Variants in MARCHF3 observed in about 807,000 individuals in gnomAD.
MARCHF3 encodes the protein membrane associated ring-CH-type finger 3.
Under a neutral mutation model 24.2 loss-of-function variants are expected in MARCHF3, and 13 were observed. The ratio of observed to expected loss-of-function variants is 0.54; its 90% CI spans 0.35 to 0.85. The LOEUF is 0.85. Ranked by LOEUF, MARCHF3 falls within the 40% of genes least tolerant of loss-of-function variation. The pLI, the probability that MARCHF3 is intolerant of heterozygous loss-of-function variation, is 0.01. For missense variants in MARCHF3, 276 were observed against 325.0 expected (o/e 0.85, Z 1.16); for synonymous variants, 144 against 137.3 (o/e 1.05, Z -0.34).
chr5:126,879,866 C>T (rs1299986182), intron 3 of MARCHF3, among the ~76,000 whole-genome samples: 1 of 152,130 alleles, frequency 6.6e-6, no homozygotes, highest in Non-Finnish European at 1.5e-5. Flanking sequence ...CCATCTTGTT[C>T]CTACCAACAA....
At chr5:126,995,045 A>G (rs1751904206) in intron 1 of MARCHF3, among the ~76,000 whole-genome samples, 1 of 152,324 alleles carries the variant, frequency 6.6e-6, no homozygotes, top group South Asian at 2.1e-4. Flanking sequence ...AGCTGATTAG[A>G]TGGTGCCCAC....
chr5:127,022,803 C>T (rs1752851020), intron 1 of MARCHF3, among the ~76,000 whole-genome samples: 1 of 152,062 alleles, frequency 6.6e-6, no homozygotes, highest in Admixed American at 6.5e-5. Flanking sequence ...TAAGTACCTC[C>T]TAGGCTTAAC....
At chr5:127,012,026 G>A (rs772653495) in intron 1 of MARCHF3, among the ~76,000 whole-genome samples, 4 of 152,156 alleles carry the variant, frequency 2.6e-5, no homozygotes, top group Non-Finnish European at 5.9e-5. Flanking sequence ...TTCTTTGGAC[G>A]ACCAATGCAG....
intron 2 of MARCHF3, among the ~76,000 whole-genome samples, chr5:126,917,558 C>T (rs1005466770): frequency 1.3e-5 from 2 of 152,296 alleles, no homozygotes; most frequent in South Asian, 4.2e-4. Flanking sequence ...TGCCAGTCCA[C>T]ATGCACACCA....
At chr5:126,917,933 AAG>A (rs1263209432) in intron 2 of MARCHF3, 49 bp downstream of exon 2, 1 of 1,570,506 alleles carries the variant, frequency 6.4e-7, no homozygotes, top group South Asian at 1.2e-5. Flanking sequence ...CCATCTGACA[AAG>A]AGTTCTCTGG....
At chr5:126,876,218 A>G (rs1261158330) in intron 4 of MARCHF3, among the ~76,000 whole-genome samples, 2 of 152,094 alleles carry the variant, frequency 1.3e-5, no homozygotes, top group Admixed American at 6.5e-5. Flanking sequence ...TTGTTAGATA[A>G]GTGTATGCTT....
chr5:126,933,003 G>A (rs1039171159), intron 1 of MARCHF3, among the ~76,000 whole-genome samples: 2 of 151,996 alleles, frequency 1.3e-5, no homozygotes, highest in African/African-American at 4.8e-5. Context: ...TAGAAACCAG[G>A]GACTCTCTTC....
chr5:126,907,100 T>G (rs902973440), intron 3 of MARCHF3, among the ~76,000 whole-genome samples: 3 of 151,844 alleles, frequency 2.0e-5, no homozygotes, highest in African/African-American at 4.9e-5. Context: ...AGGAGCAGGT[T>G]GTTCAGTTTC....
intron 1 of MARCHF3, among the ~76,000 whole-genome samples, chr5:127,009,068 G>A (rs73337295): frequency 0.016 from 2,400 of 152,146 alleles, 56 homozygotes; most frequent in African/African-American, 0.052. Context: ...AATAAAGGAA[G>A]ACAGGACCAA....
chr5:126,884,008 G>T (rs1002222893), intron 3 of MARCHF3, among the ~76,000 whole-genome samples: 4 of 152,208 alleles, frequency 2.6e-5, no homozygotes, highest in African/African-American at 9.7e-5. Context: ...TTATCTGCCT[G>T]AGTCTCCTGT....
intron 1 of MARCHF3, among the ~76,000 whole-genome samples, chr5:127,024,985 A>G (rs1472209781): frequency 1.3e-5 from 2 of 152,228 alleles, no homozygotes; most frequent in Non-Finnish European, 2.9e-5. Flanking sequence ...TTAGAACCGC[A>G]CTAGGTTTCT....
chr5:126,909,615 A>C (rs1022775928), intron 3 of MARCHF3, among the ~76,000 whole-genome samples: 1 of 152,184 alleles, frequency 6.6e-6, no homozygotes, highest in Non-Finnish European at 1.5e-5. Context: ...TTCTTTGACT[A>C]GGAAAGGGAA....
At chr5:126,897,110 G>A (rs538453096) in intron 3 of MARCHF3, among the ~76,000 whole-genome samples, 91 of 144,942 alleles carry the variant, frequency 6.3e-4, no homozygotes, top group Non-Finnish European at 1.1e-3. Context: ...CACAATCTCG[G>A]CTCACTGCAA....
intron 1 of MARCHF3, among the ~76,000 whole-genome samples, chr5:126,950,679 A>G (rs1241944116): frequency 1.3e-5 from 2 of 152,058 alleles, no homozygotes; most frequent in Admixed American, 6.6e-5. Flanking sequence ...CAACATCATC[A>G]ATTTCTCCTT....
At chr5:126,980,001 T>TGAGC (rs1209035033) in intron 1 of MARCHF3, among the ~76,000 whole-genome samples, 1 of 151,730 alleles carries the variant, frequency 6.6e-6, no homozygotes, top group Non-Finnish European at 1.5e-5. Flanking sequence ...GTATACTAAT[T>TGAGC]GAGCCTATTT....
Position 127,015,794 on chromosome 5 carries a change from C to T in MARCHF3, c.-57+14556G>A, listed in dbSNP as rs139488245. Among the ~76,000 whole-genome samples the T allele has an allele frequency of 1.3e-4, 20 of 152,146 alleles. No homozygotes were observed. The East Asian group carries it at 3.5e-3, about 26-fold the overall frequency. On this transcript the variant is annotated intron_variant, in intron 1 of 4. Coordinates refer to ENST00000308660, the MANE Select transcript of MARCHF3 (RefSeq NM_178450.5). Reference sequence around the variant, plus strand: ...CAGTTACCCTTGGTCAACCATGGCCCGAAAATATAAAATGGAAAATTCCAG... The same window carrying T: ...CAGTTACCCTTGGTCAACCATGGCCTGAAAATATAAAATGGAAAATTCCAG...
chr5:126,959,422 A>G (rs998651339), intron 1 of MARCHF3, among the ~76,000 whole-genome samples: 8 of 152,202 alleles, frequency 5.3e-5, no homozygotes, highest in Non-Finnish European at 1.2e-4. Flanking sequence ...AAACAAAGAA[A>G]GTCTGAGAAA....
At chr5:127,024,620 G>A (rs964172473) in intron 1 of MARCHF3, among the ~76,000 whole-genome samples, 6 of 152,162 alleles carry the variant, frequency 3.9e-5, no homozygotes, top group African/African-American at 1.4e-4. Context: ...ACTTTCATTC[G>A]TAAAGATTAC....
At chr5:126,940,125 C>T (rs956328453) in intron 1 of MARCHF3, among the ~76,000 whole-genome samples, 1 of 152,140 alleles carries the variant, frequency 6.6e-6, no homozygotes, top group South Asian at 2.1e-4. Flanking sequence ...AGATCATTGC[C>T]TTGTTTGACC....
Sources: allele counts gnomAD v4.1 joint callset (sites outside exome capture counted in the v4.1 genomes callset), GRCh38; gene constraint gnomAD v4.1.1; transcripts MANE v1.5; gene names NCBI Gene and HGNC (gene_info 2026-07-23, HGNC 2026-07-21).